The following KIF1B variants were observed in gnomAD, a reference collection of about 807,000 sequenced individuals.
KIF1B encodes kinesin-like protein KIF1B.
Under a neutral mutation model 241.9 loss-of-function variants are expected in KIF1B, and 76 were observed. The observed-to-expected ratio is 0.31, with a 90% CI of 0.26 to 0.38. The LOEUF (loss-of-function observed/expected upper bound fraction) is 0.38, where lower values mean the gene tolerates loss of function less well. Ranked by LOEUF, KIF1B falls within the 10% of genes least tolerant of loss-of-function variation. The probability of loss-of-function intolerance (pLI) is 1.00; values close to 1 mark genes in which losing one functional copy is unlikely to be tolerated. For synonymous variants in KIF1B, 750 were observed against 796.7 expected (o/e 0.94, Z 0.99); for missense variants, 1,622 against 2,271.4 (o/e 0.71, Z 5.81).
chr1:10,306,942 ATAC>A, intron 22 of KIF1B: 6 of 1,044,510 alleles, frequency 5.7e-6, no homozygotes, highest in Non-Finnish European at 6.9e-6. Flanking sequence ...TGATTAGGTA[ATAC>A]TGTAGAATGA....
intron 2 of KIF1B, among the ~76,000 whole-genome samples, chr1:10,236,273 AAACAACAACAACAAC>A (rs367849877): frequency 0.016 from 1,459 of 94,094 alleles, 18 homozygotes; most frequent in African/African-American, 0.04. Context: ...CTCCATCCCA[AAACAACAACAACAAC>A]AACAACAACA....
At position 10,214,295 on chromosome 1, in the gene KIF1B, CT is replaced by C. The variant is rs1161137584; in HGVS notation, c.-80+3429del. Among the ~76,000 whole-genome samples the C allele has an allele frequency of 8.5e-3, 1,233 of 145,294 alleles. 12 individuals are homozygous for C. The highest frequency in any genetic ancestry group is 0.04 in the Middle Eastern group (11 of 276). On this transcript the variant is annotated intron_variant, in intron 1 of 48. Transcript: ENST00000676179. The stretch of plus-strand genomic sequence containing the variant: ...TTACCACTTCTTTCTTTCTTTCTTT[CT>C]TTTTTTTTTTTAAGACAGAGTCTCG...
Position 10,371,216 on chromosome 1 carries a change from A to G in KIF1B, c.4900A>G (p.Thr1634Ala), listed in dbSNP as rs1366322578. Reference protein sequence around the residue: ...FSSATLTPSSTCPSLVDSRSN... With the variant: ...FSSATLTPSSACPSLVDSRSN... ...CAGTGCCACCCTCACTCCCTCCTCC[A>G]CCTGTCCCTCTCTGGTAGACTCTAG... The change falls in exon 45 of 49, where the codon ACC becomes GCC. Residue 1634 changes from threonine to alanine, a missense_variant. Physicochemically the swap from Thr to Ala is moderately conservative, Grantham distance 58. Around this residue, in one of 7 missense-constraint regions of KIF1B, gnomAD observed 357 missense variants for 409.0 expected, o/e 0.87. Coordinates refer to ENST00000676179, the MANE Select transcript of KIF1B (RefSeq NM_001365951.3). The G allele has an allele frequency of 6.2e-7, 1 of 1,613,742 alleles. No individual in the cohort carries two copies. Among genetic ancestry groups the G allele is most frequent in the Admixed American group, 1.7e-5 (1 of 59,948 alleles).
Position 10,229,867 on chromosome 1 carries a change from CAAAAAAAAAA to C in KIF1B, c.-79-2364_-79-2355del, listed in dbSNP as rs58923572. On this transcript the variant is annotated intron_variant, in intron 1 of 48. Coordinates refer to ENST00000676179, the MANE Select transcript of KIF1B (RefSeq NM_001365951.3). ...TGGGTGATGGAGTGAGACTCCGTCT[CAAAAAAAAAA>C]AAAAAAAAAAAAAAAAAAGAAAAGA... Among the ~76,000 whole-genome samples, 73 of 56,452 alleles carry C rather than the reference CAAAAAAAAAA, an allele frequency of 1.3e-3. 1 individual carries two copies. The highest frequency in any genetic ancestry group is 1.7e-3 in the Admixed American group (9 of 5,354). 37.0% of individuals were successfully genotyped at this position (56,452 alleles called of 152,430 possible). A position where few individuals can be genotyped will look rare whatever the true frequency, so the allele number is the denominator to read the frequency against.
intron 22 of KIF1B, among the ~76,000 whole-genome samples, chr1:10,300,032 T>C (rs1157245592): frequency 6.6e-6 from 1 of 151,576 alleles, no homozygotes; most frequent in Non-Finnish European, 1.5e-5. Context: ...AGGTCAGGAG[T>C]TCGAGACCAG....
At chr1:10,272,971 A>T in intron 9 of KIF1B, 43 bp from the exon 10 acceptor site, 1 of 1,511,600 alleles carries the variant, frequency 6.6e-7, no homozygotes. Flanking sequence ...TTGGAGGCTT[A>T]TCCTGTGTTC....
At chr1:10,261,123 C>T (rs997753805) in intron 4 of KIF1B, among the ~76,000 whole-genome samples, 6 of 149,994 alleles carry the variant, frequency 4.0e-5, no homozygotes, top group African/African-American at 7.4e-5. Flanking sequence ...CGTACCACCA[C>T]GTCTGGCTAA....
intron 37 of KIF1B, 124 bp downstream of exon 37, chr1:10,348,857 C>T: frequency 1.4e-6 from 1 of 740,268 alleles, no homozygotes; most frequent in South Asian, 1.5e-5. Context: ...CTCCCTGTAG[C>T]CTCAAACTCC....
At chr1:10,255,831 A>G (rs1289262341) in intron 2 of KIF1B, among the ~76,000 whole-genome samples, 2 of 152,040 alleles carry the variant, frequency 1.3e-5, no homozygotes, top group African/African-American at 4.8e-5. Context: ...GGGTCTCAAA[A>G]TAGGCTGGGG....
At chr1:10,238,476 C>T (rs115210250) in intron 2 of KIF1B, among the ~76,000 whole-genome samples, 2,595 of 149,592 alleles carry the variant, frequency 0.017, 83 homozygotes, top group African/African-American at 0.061. Flanking sequence ...GCCTGAGATG[C>T]GCAGATTGCT....
chr1:10,298,520 A>G (rs2102261796), intron 22 of KIF1B, among the ~76,000 whole-genome samples: 1 of 152,366 alleles, frequency 6.6e-6, no homozygotes, highest in Non-Finnish European at 1.5e-5. Flanking sequence ...TTACCAACAG[A>G]GGCTCTTTAG....
At chr1:10,332,760 C>T (rs1008222043) in intron 27 of KIF1B, among the ~76,000 whole-genome samples, 2 of 151,200 alleles carry the variant, frequency 1.3e-5, no homozygotes, top group Non-Finnish European at 2.9e-5. Flanking sequence ...TGTGATCGGC[C>T]CGCCTCGGCC....
rs1178373279 is a variant in KIF1B, at chr1:10,365,851, C to T, written c.4752+203C>T. Among the ~76,000 whole-genome samples the T allele has an allele frequency of 6.6e-6, 1 of 152,220 alleles. No homozygotes were observed. Among genetic ancestry groups the T allele is most frequent in the African/African-American group, 2.4e-5 (1 of 41,462 alleles). ...GTGCCTGATGCCTATTATCCCACCA[C>T]TTTGGGAGGCTGAAGCAAAGGGATT... On this transcript the variant is annotated intron_variant, in intron 43 of 48. Transcript: ENST00000676179. This position sits in a 1 kb window ranked among gnomAD's most constrained non-coding sequence, Gnocchi z 4.0.
At chr1:10,354,565 A>G (rs1652908988) in intron 38 of KIF1B, among the ~76,000 whole-genome samples, 1 of 152,236 alleles carries the variant, frequency 6.6e-6, no homozygotes, top group African/African-American at 2.4e-5. Flanking sequence ...AACCTTTTGA[A>G]AACATTCAAC....
At chr1:10,341,106 A>G (rs189675883) in intron 32 of KIF1B, among the ~76,000 whole-genome samples, 11 of 152,388 alleles carry the variant, frequency 7.2e-5, no homozygotes, top group African/African-American at 1.4e-4. Flanking sequence ...TGAATCTCAG[A>G]TGCTCCCAGT....
intron 2 of KIF1B, among the ~76,000 whole-genome samples, chr1:10,233,042 T>C (rs1476634032): frequency 6.6e-6 from 1 of 152,196 alleles, no homozygotes; most frequent in Non-Finnish European, 1.5e-5. Flanking sequence ...AGAGGTAGGC[T>C]CTACTGTCTT....
chr1:10,379,626 TTAAA>T lies in KIF1B; in HGVS notation c.*3043_*3046del, dbSNP rs772341061. 37 of 231,372 alleles carry T rather than the reference TTAAA, an allele frequency of 1.6e-4. No homozygotes were observed. Among genetic ancestry groups the T allele is most frequent in the Non-Finnish European group, 2.6e-4 (30 of 117,000 alleles). The allele number at this position is 231,372 out of a possible 1,614,324, so 14.3% of individuals were successfully genotyped here. On this transcript the variant is annotated 3_prime_UTR_variant, in exon 49 of 49. Transcript: ENST00000676179. Reference sequence around the variant, plus strand: ...TTATGTATTTTCTTAAAGCACGCCTTTAAATAAGCAAAAACTTTAAAAGGCAGGA... The same window carrying T: ...TTATGTATTTTCTTAAAGCACGCCTTTAAGCAAAAACTTTAAAAGGCAGGA...
chr1:10,337,555 C>T lies in KIF1B; in HGVS notation c.3422+22C>T. The T allele has an allele frequency of 6.2e-7, 1 of 1,614,018 alleles. No individual in the cohort carries two copies. The highest frequency in any genetic ancestry group is 8.5e-7 in the Non-Finnish European group (1 of 1,179,854). On this transcript the variant is annotated intron_variant, in intron 31 of 48. Coordinates refer to ENST00000676179, the MANE Select transcript of KIF1B (RefSeq NM_001365951.3). This position sits in a 1 kb window ranked among gnomAD's most constrained non-coding sequence, Gnocchi z 4.0. ...TCAAGTAAGCTGCCCCTTTGCTCTG[C>T]CTCCCAGCTAGCTGCTAACCGAGGT...
rs750229591 is a variant in KIF1B at position 10,343,295 on chromosome 1, C to T, written c.3688+8C>T. The T allele has an allele frequency of 6.8e-6, 11 of 1,613,812 alleles. No homozygotes were observed. The highest frequency in any genetic ancestry group is 5.5e-5 in the South Asian group (5 of 91,074). ...TGCCACTGTCCAAGCCAGGTGAGCA[C>T]TCGCTCCGCTTTTTGCATGATGATC... is the stretch of plus-strand genomic sequence containing the variant. On this transcript the variant is annotated splice_region_variant and intron_variant, in intron 34 of 48. Coordinates refer to ENST00000676179, the MANE Select transcript of KIF1B (RefSeq NM_001365951.3).
Sources: allele counts gnomAD v4.1 joint callset (sites outside exome capture counted in the v4.1 genomes callset), GRCh38; gene constraint gnomAD v4.1.1; regional missense constraint gnomAD v4.1.1; non-coding constraint Gnocchi (gnomAD v3.1); transcripts MANE v1.5; gene names NCBI Gene and HGNC (gene_info 2026-07-23, HGNC 2026-07-21).